RARB: variants seen among roughly 807,000 people sequenced by gnomAD.
RARB encodes retinoic acid receptor beta.
In RARB, 17 loss-of-function variants were observed where a neutral mutation model predicts 51.9. That is an observed-to-expected ratio of 0.33 (90% confidence interval 0.22 to 0.49). The LOEUF (loss-of-function observed/expected upper bound fraction) is 0.49. Among genes scored for constraint, RARB ranks in the 20% least tolerant of loss-of-function variants. The pLI is 0.99. For synonymous variants in RARB, 215 were observed against 195.4 expected (o/e 1.10, Z -0.84); for missense variants, 369 against 550.8 (o/e 0.67, Z 3.30).
At chr3:24,946,798 A>C (rs1046608244) in intron 2 of RARB, among the ~76,000 whole-genome samples, 4 of 152,152 alleles carry the variant, frequency 2.6e-5, no homozygotes, top group Non-Finnish European at 5.9e-5. Context: ...CGGGAGGGTC[A>C]AGGCTGCAGT....
intron 5 of RARB, among the ~76,000 whole-genome samples, chr3:25,400,377 A>G (rs1226714639): frequency 1.3e-5 from 2 of 152,176 alleles, no homozygotes; most frequent in Non-Finnish European, 2.9e-5. Context: ...CAAGGAACTC[A>G]TGATCTGGTA....
chr3:25,596,288 T>C (rs1236994950), intron 7 of RARB, 132 bp from the exon 8 acceptor site: 9 of 683,740 alleles, frequency 1.3e-5, no homozygotes, highest in South Asian at 2.5e-5. Flanking sequence ...CCACCTGATA[T>C]CTACATTTCA....
intron 1 of RARB, among the ~76,000 whole-genome samples, chr3:24,847,500 G>A (rs937680475): frequency 1.3e-5 from 2 of 152,146 alleles, no homozygotes; most frequent in African/African-American, 2.4e-5. Context: ...AAAGTAAACC[G>A]TAAACAGTGG....
chr3:24,841,785 A>T (rs1439111749), intron 1 of RARB, among the ~76,000 whole-genome samples: 1 of 152,252 alleles, frequency 6.6e-6, no homozygotes, highest in Non-Finnish European at 1.5e-5. Flanking sequence ...GAAGAATAAT[A>T]GATGTGCAAG....
intron 4 of RARB, among the ~76,000 whole-genome samples, chr3:25,138,218 A>G (rs953073400): frequency 6.6e-6 from 1 of 152,120 alleles, no homozygotes; most frequent in African/African-American, 2.4e-5. Context: ...GAATAGTCAA[A>G]TTACCACTGT....
chr3:25,065,391 T>C (rs1260722137), intron 3 of RARB, among the ~76,000 whole-genome samples: 1 of 152,152 alleles, frequency 6.6e-6, no homozygotes, highest in African/African-American at 2.4e-5. Context: ...TCTGAATATG[T>C]TTTGATAGAG....
At chr3:24,928,857 C>G (rs1695379071) in intron 2 of RARB, among the ~76,000 whole-genome samples, 1 of 151,896 alleles carries the variant, frequency 6.6e-6, no homozygotes. Context: ...AACTAAGCAT[C>G]CTTATTTCAC....
intron 2 of RARB, among the ~76,000 whole-genome samples, chr3:25,038,268 A>G (rs1698039749): frequency 1.3e-5 from 2 of 152,214 alleles, no homozygotes; most frequent in South Asian, 2.1e-4. Flanking sequence ...TGTAAAAATG[A>G]AGTTGTGTAT....
intron 2 of RARB, among the ~76,000 whole-genome samples, chr3:24,968,007 A>C (rs565584980): frequency 6.6e-5 from 10 of 152,310 alleles, no homozygotes; most frequent in Admixed American, 6.5e-4. Flanking sequence ...AAACTGTAAA[A>C]CAATTATAAT....
At chr3:25,058,570 C>T (rs912281346) in intron 2 of RARB, among the ~76,000 whole-genome samples, 3 of 150,936 alleles carry the variant, frequency 2.0e-5, no homozygotes, top group African/African-American at 7.3e-5. Context: ...ACAGTTATTA[C>T]AACTTATTAA....
chr3:25,099,560 A>G (rs563075372), intron 3 of RARB, among the ~76,000 whole-genome samples: 88 of 151,342 alleles, frequency 5.8e-4, no homozygotes, highest in African/African-American at 2.1e-3. Context: ...TACTATTAAC[A>G]TTGTTCCATT....
At chr3:25,194,053 A>G (rs532765212) in intron 5 of RARB, among the ~76,000 whole-genome samples, 3 of 152,028 alleles carry the variant, frequency 2.0e-5, no homozygotes, top group Admixed American at 2.0e-4. Context: ...TGGTATGTAT[A>G]TATATATGAA....
At chr3:25,131,352 T>C (rs900777751) in intron 3 of RARB, among the ~76,000 whole-genome samples, 2 of 152,066 alleles carry the variant, frequency 1.3e-5, no homozygotes, top group Admixed American at 1.3e-4. Flanking sequence ...CTTGGCTCCC[T>C]TTGCAGATAT....
intron 2 of RARB, among the ~76,000 whole-genome samples, chr3:25,024,157 G>A (rs1286790487): frequency 6.6e-6 from 1 of 152,100 alleles, no homozygotes; most frequent in Admixed American, 6.5e-5. Flanking sequence ...AGAAAATTAG[G>A]TTAATTAAAA....
intron 5 of RARB, among the ~76,000 whole-genome samples, chr3:25,410,326 T>C (rs1487907210): frequency 6.6e-6 from 1 of 152,148 alleles, no homozygotes; most frequent in African/African-American, 2.4e-5. Context: ...CACAAATCTG[T>C]CTCTCTTACT....
intron 1 of RARB, among the ~76,000 whole-genome samples, chr3:25,452,932 T>C (rs1211855216): frequency 6.6e-6 from 1 of 152,174 alleles, no homozygotes; most frequent in Non-Finnish European, 1.5e-5. Context: ...TAAAAGCCAC[T>C]GCCAAAGTTC....
At position 25,248,844 on chromosome 3, in the gene RARB, T is replaced by C. The variant is rs2125400426; in HGVS notation, c.178+74269T>C. 1.3e-5 allele frequency among the ~76,000 whole-genome samples: 2 copies of C among 152,302 alleles called. 1 individual carries two copies. Among genetic ancestry groups the C allele is most frequent in the African/African-American group, 4.8e-5 (2 of 41,570 alleles). On this transcript the variant is annotated intron_variant, in intron 5 of 11. Transcript: ENST00000383772. ...GGTTCCCTTATAAGTCATTAGATTC[T>C]TTATCTTGCTGTTGTTTGAATTCTC...
At chr3:25,247,191 A>T (rs1348761556) in intron 5 of RARB, among the ~76,000 whole-genome samples, 1 of 152,158 alleles carries the variant, frequency 6.6e-6, no homozygotes, top group Admixed American at 6.5e-5. Flanking sequence ...TGAGCATCCC[A>T]GGTCGATTTT....
At chr3:25,525,340 G>A (rs1017540109) in intron 3 of RARB, among the ~76,000 whole-genome samples, 2 of 152,168 alleles carry the variant, frequency 1.3e-5, no homozygotes. Context: ...GAGAGAGCCG[G>A]TGTGGAAAGA....
Sources: allele counts gnomAD v4.1 joint callset (sites outside exome capture counted in the v4.1 genomes callset), GRCh38; gene constraint gnomAD v4.1.1; transcripts MANE v1.5; gene names NCBI Gene and HGNC (gene_info 2026-07-23, HGNC 2026-07-21).